DNER: variants seen among roughly 807,000 people sequenced by gnomAD.
DNER encodes the protein delta/notch like EGF repeat containing, also known as delta and Notch-like epidermal growth factor-related receptor.
In DNER, 33 loss-of-function variants were observed where a neutral mutation model predicts 78.2. That is an observed-to-expected ratio of 0.42 (90% CI 0.32 to 0.56). DNER has a LOEUF of 0.56. Among genes scored for constraint, DNER ranks in the 20% least tolerant of loss-of-function variants. DNER has a pLI of 0.11. For synonymous variants in DNER, 417 were observed against 384.8 expected, an observed-to-expected ratio of 1.08 and a Z score of -0.98; for missense variants, 918 against 975.3, an observed-to-expected ratio of 0.94 and a Z score of 0.78.
chr2:229,633,286 T>G (rs1330811395), intron 1 of DNER, among the ~76,000 whole-genome samples: 2 of 152,180 alleles, frequency 1.3e-5, no homozygotes, highest in African/African-American at 4.8e-5. Flanking sequence ...ACAGAAAATG[T>G]AAATAATGGT....
chr2:229,650,133 C>T (rs1016728570), intron 1 of DNER, among the ~76,000 whole-genome samples: 2 of 148,956 alleles, frequency 1.3e-5, no homozygotes, highest in Non-Finnish European at 3.0e-5. Context: ...CCAGGTGTAA[C>T]TTACATCCCA....
intron 3 of DNER, among the ~76,000 whole-genome samples, chr2:229,586,508 TAAAAAAAAAAAAAAAAAAAAAAAAAAAA>T (rs555047737): frequency 4.4e-4 from 6 of 13,490 alleles, no homozygotes; most frequent in East Asian, 3.0e-3. Context: ...TCATTTTTGG[TAAAAAAAAAAAAAAAAAAAAAAAAAAAA>T]AAAAAAAAAA....
chr2:229,450,494 C>T (rs1052409706), intron 7 of DNER, among the ~76,000 whole-genome samples: 2 of 152,194 alleles, frequency 1.3e-5, no homozygotes, highest in African/African-American at 4.8e-5. Flanking sequence ...TTAAAATTAG[C>T]TTTCTCTGGT....
At chr2:229,587,956 A>C (rs1697532001) in intron 3 of DNER, among the ~76,000 whole-genome samples, 1 of 151,826 alleles carries the variant, frequency 6.6e-6, no homozygotes, top group Non-Finnish European at 1.5e-5. Context: ...AACTGTAAAA[A>C]TAAATAAATA....
At chr2:229,700,448 G>T (rs889364638) in intron 1 of DNER, among the ~76,000 whole-genome samples, 1 of 150,996 alleles carries the variant, frequency 6.6e-6, no homozygotes, top group African/African-American at 2.4e-5. Context: ...CAATTCTCCC[G>T]CCTCAGCTTC....
intron 1 of DNER, among the ~76,000 whole-genome samples, chr2:229,699,601 G>A (rs1392366735): frequency 2.0e-5 from 3 of 152,138 alleles, no homozygotes; most frequent in African/African-American, 4.8e-5. Context: ...CTAGGCTCAA[G>A]CGATCCACCC....
chr2:229,699,189 G>A (rs1254414283), intron 1 of DNER, among the ~76,000 whole-genome samples: 1 of 151,788 alleles, frequency 6.6e-6, no homozygotes, highest in Non-Finnish European at 1.5e-5. Flanking sequence ...AGGAACACAC[G>A]ACAATTATTA....
chr2:229,446,428 G>A (rs6755510), intron 8 of DNER, among the ~76,000 whole-genome samples: 4 of 152,352 alleles, frequency 2.6e-5, no homozygotes, highest in African/African-American at 9.6e-5. Context: ...AGTTTGTACA[G>A]TGAGGTGGGG....
chr2:229,493,987 C>A (rs1037124034), intron 6 of DNER, among the ~76,000 whole-genome samples: 2 of 152,144 alleles, frequency 1.3e-5, no homozygotes, highest in Non-Finnish European at 2.9e-5. Flanking sequence ...CTGACTCTGG[C>A]GCTTCGGGTT....
intron 5 of DNER, among the ~76,000 whole-genome samples, chr2:229,526,898 A>G (rs937742849): frequency 6.6e-6 from 1 of 152,200 alleles, no homozygotes; most frequent in African/African-American, 2.4e-5. Flanking sequence ...AGGTGCTGGA[A>G]GAAACATTAA....
intron 11 of DNER, among the ~76,000 whole-genome samples, chr2:229,376,147 T>C (rs1692594196): frequency 6.6e-6 from 1 of 152,192 alleles, no homozygotes; most frequent in African/African-American, 2.4e-5. Flanking sequence ...TAAATTACCC[T>C]GTATCAGGCA....
At chr2:229,542,904 G>T (rs1269896864) in intron 5 of DNER, among the ~76,000 whole-genome samples, 1 of 152,056 alleles carries the variant, frequency 6.6e-6, no homozygotes. Context: ...TGAAATGGAC[G>T]TGGTCATTCC....
chr2:229,547,051 G>A lies in DNER; in HGVS notation c.889C>T (p.Arg297Cys), dbSNP rs1255847009. 9 of 1,613,916 alleles carry A rather than the reference G, an allele frequency of 5.6e-6. No individual in the cohort carries two copies. Among genetic ancestry groups the A allele is most frequent in the African/African-American group, 4.0e-5 (3 of 74,890 alleles). ...CTGACCTTCACCACCAGAGTTAAGC[G>A]CAAAGCCACAATAGACTTAGTCACA... Reference protein sequence around the residue: ...DSVTKSIVALRLTLVVKVSTC... With the variant: ...DSVTKSIVALCLTLVVKVSTC... The change falls in exon 5 of 13, where the codon CGC becomes TGC. Residue 297 changes from arginine (R) to cysteine (C), a missense_variant. Transcript: ENST00000341772.
At chr2:229,626,661 A>T (rs1490099401) in intron 1 of DNER, among the ~76,000 whole-genome samples, 3 of 152,200 alleles carry the variant, frequency 2.0e-5, no homozygotes, top group Non-Finnish European at 2.9e-5. Flanking sequence ...TATAAAGTAA[A>T]TTAATAAATC....
chr2:229,525,585 T>C (rs1696192398), intron 5 of DNER, among the ~76,000 whole-genome samples: 1 of 152,214 alleles, frequency 6.6e-6, no homozygotes, highest in South Asian at 2.1e-4. Context: ...TTCTATAGTC[T>C]CTGATCTAAT....
chr2:229,482,884 T>C (rs144594923), intron 6 of DNER, among the ~76,000 whole-genome samples: 2,227 of 152,182 alleles, frequency 0.015, 21 homozygotes, highest in Admixed American at 0.022. Flanking sequence ...TTTAAAGTTA[T>C]CTCTAGAACC....
chr2:229,642,718 A>G (rs1049727546), intron 1 of DNER, among the ~76,000 whole-genome samples: 25 of 152,208 alleles, frequency 1.6e-4, no homozygotes, highest in Non-Finnish European at 4.4e-5. Flanking sequence ...GGACTTCCTC[A>G]ACAGATATTT....
intron 7 of DNER, among the ~76,000 whole-genome samples, chr2:229,463,454 A>G (rs1338725926): frequency 6.6e-6 from 1 of 152,148 alleles, no homozygotes; most frequent in Non-Finnish European, 1.5e-5. Flanking sequence ...ATATTTATTT[A>G]TTTTGTGATG....
At chr2:229,605,722 T>TAAA in intron 1 of DNER, among the ~76,000 whole-genome samples, 1 of 88,500 alleles carries the variant, frequency 1.1e-5, no homozygotes. Flanking sequence ...ACCCCATCTC[T>TAAA]ACAAAAAAAA....
Sources: gnomAD v4.1 joint callset for allele counts (sites outside exome capture counted in the v4.1 genomes callset) on GRCh38, gnomAD v4.1.1 for gene constraint, MANE v1.5 for transcripts, NCBI Gene and HGNC (gene_info 2026-07-23, HGNC 2026-07-21) for gene names.